The following ZBTB41 variants were observed in gnomAD, a reference collection of about 807,000 sequenced individuals.
ZBTB41 encodes the protein zinc finger and BTB domain containing 41, also known as zinc finger and BTB domain-containing protein 41.
In ZBTB41, 42 loss-of-function variants were observed where a neutral mutation model predicts 87.6. That is an observed-to-expected ratio of 0.48 (90% CI 0.37 to 0.62). The LOEUF (loss-of-function observed/expected upper bound fraction) is 0.62. Ranked by LOEUF, ZBTB41 falls within the 20% of genes least tolerant of loss-of-function variation. The probability of loss-of-function intolerance (pLI) is 0.00; values close to 1 mark genes in which losing one functional copy is unlikely to be tolerated. For synonymous variants in ZBTB41, 364 were observed against 364.0 expected (o/e 1.00, Z 0.00); for missense variants, 799 against 1,078.9 (o/e 0.74, Z 3.63).
chr1:197,187,765 G>A (rs1435762523), intron 5 of ZBTB41, among the ~76,000 whole-genome samples: 1 of 151,944 alleles, frequency 6.6e-6, no homozygotes, highest in Non-Finnish European at 1.5e-5. Context: ...TCTGGAAAAG[G>A]TAAAACTATG....
At chr1:197,180,101 C>T (rs1465992889) in intron 6 of ZBTB41, among the ~76,000 whole-genome samples, 1 of 152,120 alleles carries the variant, frequency 6.6e-6, no homozygotes, top group African/African-American at 2.4e-5. Context: ...GTAACCTACA[C>T]AAACACATAT....
intron 2 of ZBTB41, among the ~76,000 whole-genome samples, chr1:197,196,056 C>T (rs10754219): frequency 0.86 from 130,148 of 152,158 alleles, 56,249 homozygotes; most frequent in East Asian, 1. Flanking sequence ...TTCAACTTAG[C>T]TCAAATAAAC....
At position 197,154,750 on chromosome 1, in the gene ZBTB41, C is replaced by T. The variant is rs1659026329; in HGVS notation, c.*4609G>A. The T allele has an allele frequency of 6.6e-6, 1 of 152,450 alleles. No individual in the cohort carries two copies. The allele number at this position is 152,450 out of a possible 1,614,324, so 9.4% of individuals were successfully genotyped here. On this transcript the variant is annotated 3_prime_UTR_variant, in exon 11 of 11. Coordinates refer to ENST00000367405, the MANE Select transcript of ZBTB41 (RefSeq NM_194314.3). The stretch of plus-strand genomic sequence containing the variant: ...GAAAAGGGTAGGATATAAGGAAGAA[C>T]TGTCTAGTTTCTAGAAGTCGTTTAG...
intron 6 of ZBTB41, among the ~76,000 whole-genome samples, chr1:197,179,328 C>T (rs1659685495): frequency 1.3e-5 from 2 of 152,088 alleles, no homozygotes; most frequent in African/African-American, 4.8e-5. Context: ...CTAGTGGCAT[C>T]ATAGCACAAT....
At chr1:197,185,626 A>G (rs1031078122) in intron 5 of ZBTB41, among the ~76,000 whole-genome samples, 5 of 151,632 alleles carry the variant, frequency 3.3e-5, no homozygotes, top group Non-Finnish European at 5.9e-5. Context: ...ACCCCCCAAC[A>G]CACACAAAAA....
rs1254664080 is a variant in ZBTB41 at position 197,167,983 on chromosome 1, T to TA, written c.2074+4176dup. Among the ~76,000 whole-genome samples, 15 of 152,230 alleles carry TA rather than the reference T, an allele frequency of 9.9e-5. No individual in the cohort carries two copies. The East Asian group carries it at 2.7e-3, about 27-fold the overall frequency. On this transcript the variant is annotated intron_variant, in intron 10 of 10. Coordinates refer to ENST00000367405, the MANE Select transcript of ZBTB41 (RefSeq NM_194314.3). ...AAAAAGGGGAAAATGAACCTGTCAT[T>TA]ATTCACAGATAACTTGTTTGCATGC...
At chr1:197,193,694 C>T (rs1037036175) in intron 2 of ZBTB41, among the ~76,000 whole-genome samples, 8 of 152,284 alleles carry the variant, frequency 5.3e-5, no homozygotes, top group African/African-American at 1.7e-4. Flanking sequence ...TGTACACATC[C>T]TACCACCACC....
chr1:197,181,233 A>G, intron 5 of ZBTB41, 116 bp from the exon 6 acceptor site: 8 of 866,740 alleles, frequency 9.2e-6, no homozygotes, highest in Non-Finnish European at 1.3e-5. Flanking sequence ...GTCATAATAC[A>G]CTGCAATTTC....
chr1:197,196,803 A>G (rs1328296413), intron 2 of ZBTB41, among the ~76,000 whole-genome samples: 1 of 152,112 alleles, frequency 6.6e-6, no homozygotes, highest in Non-Finnish European at 1.5e-5. Context: ...AATTTCCAGA[A>G]TACAACATAC....
chr1:197,193,242 A>T (rs1660077602), intron 2 of ZBTB41, among the ~76,000 whole-genome samples: 1 of 152,166 alleles, frequency 6.6e-6, no homozygotes, highest in East Asian at 1.9e-4. Context: ...ACAACACTTA[A>T]AACATCCTGG....
intron 5 of ZBTB41, among the ~76,000 whole-genome samples, chr1:197,185,940 G>T (rs1358121071): frequency 1.3e-5 from 2 of 151,992 alleles, no homozygotes; most frequent in Non-Finnish European, 2.9e-5. Context: ...CAAAATCCCA[G>T]AAAGTCATTT....
intron 4 of ZBTB41, 117 bp downstream of exon 4, chr1:197,190,645 A>T: frequency 1.1e-5 from 7 of 610,982 alleles, no homozygotes; most frequent in South Asian, 1.0e-4. Context: ...TATAAAAGGA[A>T]AATTCTAAAA....
intron 2 of ZBTB41, 152 bp from the exon 3 acceptor site, chr1:197,192,051 C>T (rs1660051053): frequency 1.8e-6 from 1 of 541,696 alleles, no homozygotes; most frequent in Non-Finnish European, 2.9e-6. Flanking sequence ...TAAATTTCTA[C>T]CTCTGATAAA....
intron 2 of ZBTB41, among the ~76,000 whole-genome samples, chr1:197,195,718 C>T (rs1374170383): frequency 6.6e-6 from 1 of 152,102 alleles, no homozygotes; most frequent in Non-Finnish European, 1.5e-5. Flanking sequence ...TTTTCTCTCT[C>T]ACCCCATCTG....
intron 2 of ZBTB41, 114 bp from the exon 3 acceptor site, chr1:197,192,013 C>T: frequency 1.4e-6 from 1 of 721,730 alleles, no homozygotes; most frequent in Non-Finnish European, 2.0e-6. Flanking sequence ...CATCCAAATC[C>T]ACACACAAAA....
At chr1:197,178,310 A>G in intron 7 of ZBTB41, 107 bp downstream of exon 7, 2 of 732,768 alleles carry the variant, frequency 2.7e-6, no homozygotes, top group Non-Finnish European at 2.1e-6. Context: ...TTTGCATATC[A>G]TAAGGACTAA....
At chr1:197,189,487 C>T (rs1425703422) in intron 4 of ZBTB41, among the ~76,000 whole-genome samples, 1 of 151,218 alleles carries the variant, frequency 6.6e-6, no homozygotes, top group African/African-American at 2.4e-5. Context: ...GATCACACCA[C>T]TGCACTCCAG....
rs1159023415 is a variant in ZBTB41, at chr1:197,200,213, A to G, written c.261T>C (p.Phe87=). ...CTTCCACTATGATAAGTAAATCACA[A>G]AAAGATGGTTGCTTCTGCCTATCAT... ...LNDDRQKQPS[F]CDLLIIVEGK... Residue 87 remains phenylalanine (F), a synonymous_variant, in exon 2 of 11, where the codon TTT becomes TTC. Transcript: ENST00000367405. 6.2e-7 allele frequency: 1 copy of G among 1,613,618 alleles called. No individual in the cohort carries two copies. Among genetic ancestry groups the G allele is most frequent in the Admixed American group, 1.7e-5 (1 of 59,930 alleles).
chr1:197,196,245 C>T (rs1214628275), intron 2 of ZBTB41, among the ~76,000 whole-genome samples: 2 of 152,144 alleles, frequency 1.3e-5, no homozygotes, highest in African/African-American at 2.4e-5. Flanking sequence ...GGGAAGGTGG[C>T]GCTCGAACTC....
Sources: allele counts gnomAD v4.1 joint callset (sites outside exome capture counted in the v4.1 genomes callset), GRCh38; gene constraint gnomAD v4.1.1; transcripts MANE v1.5; gene names NCBI Gene and HGNC (gene_info 2026-07-23, HGNC 2026-07-21).